Variants in MUC4 observed in about 807,000 individuals in gnomAD.
The protein encoded by MUC4 is mucin-4.
A neutral mutation model predicts 257.9 loss-of-function variants in MUC4; 202 were observed. That is an observed-to-expected ratio of 0.78 (90% CI 0.70 to 0.88). The LOEUF is 0.88. MUC4 is among the 40% of genes least tolerant of loss of function. The pLI is 0.00. For synonymous variants in MUC4, 2,351 were observed against 2,757.1 expected, an observed-to-expected ratio of 0.85 and a Z score of 4.62; for missense variants, 5,976 against 6,513.7, an observed-to-expected ratio of 0.92 and a Z score of 2.84.
chr3:195,788,970 G>C lies in MUC4; in HGVS notation c.2610C>G (p.Gly870=). The C allele has an allele frequency of 6.2e-7, 1 of 1,613,710 alleles. No homozygotes were observed. The highest frequency in any genetic ancestry group is 8.5e-7 in the Non-Finnish European group (1 of 1,179,782). Residue 870 remains glycine, a synonymous_variant, in exon 2 of 25, where the codon GGC becomes GGG. Coordinates refer to ENST00000463781, the MANE Select transcript of MUC4 (RefSeq NM_018406.7). ...CCTCAGAGAGGGTGGGATGAAAGGTGCCGGGGACGATCGAAGACGCCATTC... is the reference window on the plus strand; with the variant it reads ...CCTCAGAGAGGGTGGGATGAAAGGTCCCGGGGACGATCGAAGACGCCATTC... The part of the protein sequence containing the change: ...STGMASSIVP[G]TFHPTLSEAS...
chr3:195,787,397 C>T lies in MUC4; in HGVS notation c.4183G>A (p.Val1395Ile). The T allele has an allele frequency of 1.3e-6, 1 of 775,646 alleles. No individual in the cohort carries two copies. 48.0% of individuals were successfully genotyped at this position (775,646 alleles called of 1,614,324 possible). A position where few individuals can be genotyped will look rare whatever the true frequency, so the allele number is the denominator to read the frequency against. ...VSTGDTTPLP[V>I]TSPSSASTGH... ...GTGGATGCTGAGGAAGGGCTAGTGA[C>T]AGGAAGAGGCGTGGTGTCACCTGTG... is the stretch of plus-strand genomic sequence containing the variant. The change falls in exon 2 of 25, where the codon GTC (valine) becomes ATC (isoleucine). Residue 1395 changes from valine to isoleucine, a missense_variant. Coordinates refer to ENST00000463781, the MANE Select transcript of MUC4 (RefSeq NM_018406.7).
chr3:195,780,890 C>T lies in MUC4; in HGVS notation c.10690G>A (p.Gly3564Ser), dbSNP rs1727362746. The stretch of plus-strand genomic sequence containing the variant: ...GTGACAGGAAGAGGGGTGGCCTGAC[C>T]TGTGGATGCCGAGGAAGCGTCGGTG... Reference protein sequence around the residue: ...PVTDASSASTGQATPLPVTSL... With the variant: ...PVTDASSASTSQATPLPVTSL... Residue 3564 changes from glycine to serine, a missense_variant, in exon 2 of 25, where the codon GGT (glycine) becomes AGT (serine). By Grantham distance (56) the Gly-to-Ser change is moderately conservative. Coordinates refer to ENST00000463781, the MANE Select transcript of MUC4 (RefSeq NM_018406.7). 6.7e-7 allele frequency: 1 copy of T among 1,497,046 alleles called. No individual in the cohort carries two copies. Among genetic ancestry groups the T allele is most frequent in the Admixed American group, 2.0e-5 (1 of 49,026 alleles). The allele number at this position is 1,497,046 out of a possible 1,614,324, so 92.7% of individuals were successfully genotyped here. A position where few individuals can be genotyped will look rare whatever the true frequency, so the allele number is the denominator to read the frequency against.
intron 1 of MUC4, among the ~76,000 whole-genome samples, chr3:195,794,872 C>G (rs1040106824): frequency 2.0e-5 from 3 of 152,220 alleles, no homozygotes; most frequent in African/African-American, 4.8e-5. Flanking sequence ...GTGCAAGCTT[C>G]TGCACTTCAT....
intron 3 of MUC4, among the ~76,000 whole-genome samples, chr3:195,775,845 C>T (rs1329663114): frequency 2.3e-5 from 2 of 85,490 alleles, no homozygotes; most frequent in Non-Finnish European, 4.5e-5. Flanking sequence ...CCTTCCACAC[C>T]CATACCTTCC....
At chr3:195,759,838 G>A (rs1327919612) in intron 16 of MUC4, among the ~76,000 whole-genome samples, 1 of 140,876 alleles carries the variant, frequency 7.1e-6, no homozygotes, top group Non-Finnish European at 1.6e-5. Context: ...AGAATCGCTT[G>A]AACCCGGGAA....
intron 16 of MUC4, among the ~76,000 whole-genome samples, chr3:195,759,848 A>G (rs2550274): frequency 0.84 from 127,294 of 151,674 alleles, 54,122 homozygotes; most frequent in African/African-American, 0.97. Flanking sequence ...GAACCCGGGA[A>G]GCAGAGGTTG....
intron 1 of MUC4, among the ~76,000 whole-genome samples, chr3:195,800,533 T>C (rs1031233545): frequency 6.6e-5 from 10 of 152,194 alleles, no homozygotes; most frequent in Admixed American, 6.5e-4. Context: ...ACTACAGTTA[T>C]TGCATTTGTC....
Position 195,751,282 on chromosome 3 carries a change from G to A in MUC4, c.15583-11C>T, listed in dbSNP as rs1434405392. ...CAGTCTGTATGCCACCTAGGTTAGA[G>A]GATGGCAGATGGGGGTGGGGGTGAG... On this transcript the variant is annotated splice_polypyrimidine_tract_variant and intron_variant, in intron 21 of 24. Coordinates refer to ENST00000463781, the MANE Select transcript of MUC4 (RefSeq NM_018406.7). 3 of 1,598,554 alleles carry A rather than the reference G, an allele frequency of 1.9e-6. No homozygotes were observed. Among genetic ancestry groups the A allele is most frequent in the Non-Finnish European group, 2.6e-6 (3 of 1,172,344 alleles).
chr3:195,805,199 C>T (rs554386316), intron 1 of MUC4, among the ~76,000 whole-genome samples: 2 of 152,202 alleles, frequency 1.3e-5, no homozygotes, highest in African/African-American at 4.8e-5. Flanking sequence ...GAACTTTACC[C>T]GTTCTTTCCA....
In MUC4 at chr3:195,810,484, C is replaced by T. The variant is rs918743705; in HGVS notation, c.82+1252G>A. On this transcript the variant is annotated intron_variant, in intron 1 of 24. Transcript: ENST00000463781. The surrounding 1 kb of genome is among the most constrained non-coding windows in gnomAD (Gnocchi z 4.2). ...GAAAGTGTGGGGAAGAGGACGGGGG[C>T]CCCCGAGGGAACATCTCCCACAGGC... is the stretch of plus-strand genomic sequence containing the variant. 1.3e-5 allele frequency among the ~76,000 whole-genome samples: 2 copies of T among 152,200 alleles called. No individual in the cohort carries two copies. The highest frequency in any genetic ancestry group is 4.8e-5 in the African/African-American group (2 of 41,446).
chr3:195,756,912 C>T lies in MUC4; in HGVS notation c.15168+235G>A, dbSNP rs79451334. ...TCCTGACCTTGTGATCCGCTTGCCT[C>T]AGCCTCCAAAAGTGCTGAGATTAAA... On this transcript the variant is annotated intron_variant, in intron 18 of 24. Transcript: ENST00000463781. Among the ~76,000 whole-genome samples, 647 of 152,256 alleles carry T rather than the reference C, an allele frequency of 4.2e-3. 4 individuals carry two copies. Among genetic ancestry groups the T allele is most frequent in the African/African-American group, 0.015 (620 of 41,532 alleles).
intron 1 of MUC4, among the ~76,000 whole-genome samples, chr3:195,798,440 A>T (rs1734820359): frequency 6.6e-6 from 1 of 152,170 alleles, no homozygotes; most frequent in South Asian, 2.1e-4. Flanking sequence ...GTGGTGGCTC[A>T]CACCTGTAAT....
intron 7 of MUC4, among the ~76,000 whole-genome samples, chr3:195,767,513 CCAT>C (rs200623714): frequency 6.2e-5 from 5 of 81,130 alleles, no homozygotes; most frequent in Non-Finnish European, 8.5e-5. Flanking sequence ...ACCACCATCA[CCAT>C]CACCACCACC....
chr3:195,795,415 G>C (rs1341564151), intron 1 of MUC4, among the ~76,000 whole-genome samples: 1 of 152,084 alleles, frequency 6.6e-6, no homozygotes, highest in South Asian at 2.1e-4. Context: ...CAGCAATATG[G>C]AAGAAGAGAT....
At chr3:195,752,050 G>T in intron 21 of MUC4, 4 of 357,092 alleles carry the variant, frequency 1.1e-5, no homozygotes, top group East Asian at 4.3e-5. Context: ...AGAGGGAGCC[G>T]CCCGTTCCCT....
At chr3:195,803,334 T>C (rs1735586048) in intron 1 of MUC4, among the ~76,000 whole-genome samples, 1 of 152,260 alleles carries the variant, frequency 6.6e-6, no homozygotes, top group African/African-American at 2.4e-5. Flanking sequence ...TTAAAGCAGC[T>C]ACTTTAAGTA....
chr3:195,783,717 G>A lies in MUC4; in HGVS notation c.7863C>T (p.Asp2621=), dbSNP rs1729592042. 1.9e-6 allele frequency: 1 copy of A among 522,956 alleles called. No homozygotes were observed. Among genetic ancestry groups the A allele is most frequent in the Non-Finnish European group, 3.2e-6 (1 of 315,220 alleles). 32.4% of individuals were successfully genotyped at this position (522,956 alleles called of 1,614,324 possible). The change falls in exon 2 of 25, where the codon GAC becomes GAT. Residue 2621 remains aspartate, a synonymous_variant. Transcript: ENST00000463781. ...VTSLSSVSTG[D]TTPLPVTSPS... ...GGCTAGTGACAGGAAGAGGCGTGGTGTCACCTGTGGATACTGAGGAAAGGC... is the reference window on the plus strand; with the variant it reads ...GGCTAGTGACAGGAAGAGGCGTGGTATCACCTGTGGATACTGAGGAAAGGC...
chr3:195,752,296 C>A (rs141946842), intron 21 of MUC4, 77 bp downstream of exon 21: 6 of 1,309,480 alleles, frequency 4.6e-6, no homozygotes, highest in Non-Finnish European at 5.5e-6. Context: ...AGATGAAGGC[C>A]GCACAGCGAT....
At chr3:195,754,054 G>A (rs1717020323) in intron 19 of MUC4, 159 bp downstream of exon 19, 6 of 1,016,508 alleles carry the variant, frequency 5.9e-6, no homozygotes, top group Non-Finnish European at 8.5e-6. Flanking sequence ...CTGCCTAGAT[G>A]ATTTCCCACA....
Sources: allele counts gnomAD v4.1 joint callset (sites outside exome capture counted in the v4.1 genomes callset), GRCh38; gene constraint gnomAD v4.1.1; non-coding constraint Gnocchi (gnomAD v3.1); transcripts MANE v1.5; gene names NCBI Gene and HGNC (gene_info 2026-07-23, HGNC 2026-07-21).